The following RFC3 variants were observed in gnomAD, a reference collection of about 807,000 sequenced individuals.
The protein encoded by RFC3 is replication factor C subunit 3, also known as A1 38 kDa subunit.
RFC3 carries 41 observed loss-of-function variants against 45.1 expected under a neutral mutation model. The ratio of observed to expected loss-of-function variants is 0.91; its 90% CI spans 0.71 to 1.18. The LOEUF (loss-of-function observed/expected upper bound fraction) is 1.18, where lower values mean the gene tolerates loss of function less well. Ranked by LOEUF, RFC3 falls within the 50% of genes most tolerant of loss-of-function variation. The probability of loss-of-function intolerance (pLI) is 0.00; values close to 1 mark genes in which losing one functional copy is unlikely to be tolerated. For missense variants in RFC3, 423 were observed against 428.1 expected, an observed-to-expected ratio of 0.99 and a Z score of 0.10; for synonymous variants, 149 against 144.0, an observed-to-expected ratio of 1.03 and a Z score of -0.25.
intron 8 of RFC3, among the ~76,000 whole-genome samples, chr13:33,933,741 T>C (rs2137778988): frequency 6.6e-6 from 1 of 152,046 alleles, no homozygotes; most frequent in African/African-American, 2.4e-5. Context: ...AAATCCCAAG[T>C]CATGTAAAAG....
At chr13:33,870,487 T>C (rs921639107) in intron 8 of RFC3, among the ~76,000 whole-genome samples, 1 of 152,160 alleles carries the variant, frequency 6.6e-6, no homozygotes, top group Non-Finnish European at 1.5e-5. Flanking sequence ...AACAGAAAGG[T>C]TGAGAAGGCA....
chr13:33,827,950 C>T (rs553835863), intron 4 of RFC3, among the ~76,000 whole-genome samples: 16 of 151,674 alleles, frequency 1.1e-4, no homozygotes, highest in African/African-American at 3.1e-4. Flanking sequence ...TGACACTTTA[C>T]TTAAGGCCAG....
intron 8 of RFC3, among the ~76,000 whole-genome samples, chr13:33,911,000 C>A (rs2082700987): frequency 1.3e-5 from 2 of 152,154 alleles, no homozygotes; most frequent in African/African-American, 4.8e-5. Flanking sequence ...TCTCACCACA[C>A]CCCACCTCCA....
At chr13:33,938,638 C>G (rs2082903687) in intron 8 of RFC3, among the ~76,000 whole-genome samples, 1 of 152,054 alleles carries the variant, frequency 6.6e-6, no homozygotes, top group South Asian at 2.1e-4. Flanking sequence ...ATTCTCATTG[C>G]TAAATAGTAT....
At chr13:33,830,949 T>TG in intron 6 of RFC3, 94 bp downstream of exon 6, 1 of 943,618 alleles carries the variant, frequency 1.1e-6, no homozygotes, top group South Asian at 1.6e-5. Flanking sequence ...TTCCATGGAC[T>TG]GGGCAGGGGT....
Position 33,853,687 on chromosome 13 carries a change from A to G in RFC3, c.879+18470A>G, listed in dbSNP as rs191495240. The stretch of plus-strand genomic sequence containing the variant: ...ACAAGGGGCAGAAAAAGGTACCTAA[A>G]TTCTAACTGCTTTTAAAGAGGGAAA... On this transcript the variant is annotated intron_variant, in intron 8 of 8. Transcript: ENST00000434425. Among the ~76,000 whole-genome samples, 471 of 152,256 alleles carry G rather than the reference A, an allele frequency of 3.1e-3. 6 individuals are homozygous for G. Among genetic ancestry groups the G allele is most frequent in the African/African-American group, 0.011 (443 of 41,566 alleles).
At chr13:33,848,405 G>T (rs1008824779) in intron 8 of RFC3, 3 of 152,144 alleles carry the variant, frequency 2.0e-5, no homozygotes, top group African/African-American at 4.8e-5. Flanking sequence ...GAGTACATGT[G>T]TTGATGATTC....
chr13:33,957,258 A>G (rs528310420), intron 8 of RFC3, among the ~76,000 whole-genome samples: 186 of 152,308 alleles, frequency 1.2e-3, no homozygotes, highest in African/African-American at 3.7e-3. Context: ...ATTTGCGTCA[A>G]TTTTCCCAGA....
Position 33,826,170 on chromosome 13 carries a change from A to G in RFC3, c.391+284A>G, listed in dbSNP as rs192141194. On this transcript the variant is annotated intron_variant, in intron 4 of 8. Transcript: ENST00000380071. ...ATGTTCATTATCAGATATTTAGATA[A>G]AAAAGAAAATAATATCAGCTATATT... Among the ~76,000 whole-genome samples, 3 of 152,296 alleles carry G rather than the reference A, an allele frequency of 2.0e-5. No homozygotes were observed. In the East Asian group the frequency reaches 5.8e-4, roughly 29 times the overall value.
intron 2 of RFC3, among the ~76,000 whole-genome samples, chr13:33,822,526 A>T (rs1051282472): frequency 2.6e-5 from 4 of 152,194 alleles, no homozygotes; most frequent in Admixed American, 2.0e-4. Context: ...TGTAAATAAA[A>T]CAGTATTATA....
intron 8 of RFC3, among the ~76,000 whole-genome samples, chr13:33,913,481 A>G (rs1021570872): frequency 6.6e-6 from 1 of 152,158 alleles, no homozygotes; most frequent in Non-Finnish European, 1.5e-5. Flanking sequence ...TTTTGTGATA[A>G]GCTCAAAGGA....
chr13:33,866,725 T>C (rs1278325459), intron 8 of RFC3, among the ~76,000 whole-genome samples: 1 of 152,142 alleles, frequency 6.6e-6, no homozygotes, highest in African/African-American at 2.4e-5. Context: ...CCATGGTAAC[T>C]GGGCCCTGGG....
intron 8 of RFC3, among the ~76,000 whole-genome samples, chr13:33,889,201 A>G (rs1452766593): frequency 6.6e-6 from 1 of 152,200 alleles, no homozygotes. Flanking sequence ...CAATGCAGTT[A>G]TGTTCACTAC....
At chr13:33,940,485 G>A (rs2082916202) in intron 8 of RFC3, among the ~76,000 whole-genome samples, 1 of 152,174 alleles carries the variant, frequency 6.6e-6, no homozygotes, top group African/African-American at 2.4e-5. Context: ...ATGTGCGTGT[G>A]AAAAGCATGC....
chr13:33,973,083 A>G, the RFC3 span, among the ~76,000 whole-genome samples: 4 of 152,226 alleles, frequency 2.6e-5, no homozygotes, highest in African/African-American at 4.8e-5. Context: ...TGCAAAAGCC[A>G]TAGACTCCTT....
At chr13:33,922,843 C>T (rs1268425363) in intron 8 of RFC3, among the ~76,000 whole-genome samples, 1 of 152,062 alleles carries the variant, frequency 6.6e-6, no homozygotes, top group Non-Finnish European at 1.5e-5. Flanking sequence ...CTCTCTGGCC[C>T]ACAGTCTCTT....
chr13:33,855,207 T>A (rs953278358), intron 8 of RFC3, among the ~76,000 whole-genome samples: 1 of 152,206 alleles, frequency 6.6e-6, no homozygotes, highest in Non-Finnish European at 1.5e-5. Flanking sequence ...GTTTGAGAAC[T>A]GTTCTTAGTG....
intron 7 of RFC3, among the ~76,000 whole-genome samples, chr13:33,833,168 CA>C (rs1226983659): frequency 6.6e-6 from 1 of 152,126 alleles, no homozygotes; most frequent in African/African-American, 2.4e-5. Flanking sequence ...TACACAATTC[CA>C]AATGATTACT....
chr13:33,835,121 A>G (rs2082141138), intron 7 of RFC3, 27 bp from the exon 8 acceptor site: 8 of 1,505,410 alleles, frequency 5.3e-6, no homozygotes, highest in South Asian at 4.8e-5. Context: ...TTTCTTCACA[A>G]AATACCAATT....
Sources: allele counts gnomAD v4.1 joint callset (sites outside exome capture counted in the v4.1 genomes callset), GRCh38; gene constraint gnomAD v4.1.1; transcripts MANE v1.5; gene names NCBI Gene and HGNC (gene_info 2026-07-23, HGNC 2026-07-21).